UTRN: variants seen among roughly 807,000 people sequenced by gnomAD.
The protein encoded by UTRN is dystrophin-related protein 1.
In UTRN, 283 loss-of-function variants were observed where a neutral mutation model predicts 463.9. The observed-to-expected ratio is 0.61, with a 90% CI of 0.55 to 0.67. The LOEUF (loss-of-function observed/expected upper bound fraction) is 0.67. Among genes scored for constraint, UTRN ranks in the 30% least tolerant of loss-of-function variants. UTRN has a pLI of 0.00. For missense variants in UTRN, 3,922 were observed against 4,084.3 expected, an observed-to-expected ratio of 0.96 and a Z score of 1.08; for synonymous variants, 1,442 against 1,431.5, an observed-to-expected ratio of 1.01 and a Z score of -0.17.
intron 2 of UTRN, among the ~76,000 whole-genome samples, chr6:144,314,274 G>A (rs1225801457): frequency 6.6e-6 from 1 of 152,188 alleles, no homozygotes; most frequent in Non-Finnish European, 1.5e-5. Flanking sequence ...GGTTGTCTGA[G>A]TGCAAGTGAA....
At chr6:144,549,319 T>A (rs1357202443) in intron 47 of UTRN, among the ~76,000 whole-genome samples, 7 of 152,222 alleles carry the variant, frequency 4.6e-5, no homozygotes, top group African/African-American at 1.7e-4. Flanking sequence ...ATTTAGTGTG[T>A]GCTAAGTTCT....
At chr6:144,585,930 G>A (rs936151501) in intron 51 of UTRN, among the ~76,000 whole-genome samples, 1 of 152,068 alleles carries the variant, frequency 6.6e-6, no homozygotes, top group African/African-American at 2.4e-5. Context: ...ATAAAATGTG[G>A]CATAATCTGA....
chr6:144,466,857 C>CCTCCTTTT (rs1267015549), intron 23 of UTRN, among the ~76,000 whole-genome samples: 1 of 152,208 alleles, frequency 6.6e-6, no homozygotes, highest in African/African-American at 2.4e-5. Flanking sequence ...CTTCTATTTT[C>CCTCCTTTT]CAGCGCTCCT....
chr6:144,839,456 ACATTTT>A, intron 72 of UTRN, among the ~76,000 whole-genome samples, 172 bp downstream of exon 72: 1 of 152,358 alleles, frequency 6.6e-6, no homozygotes, highest in South Asian at 2.1e-4. Flanking sequence ...CAAAAAGCAA[ACATTTT>A]CAAATAAGCT....
rs1254081169 is a variant in UTRN at position 144,577,252 on chromosome 6, T to A, written c.7443T>A (p.Asp2481Glu). The change falls in exon 51 of 75, where the codon GAT becomes GAA. Residue 2481 changes from aspartate (D) to glutamate (E), a missense_variant. Coordinates refer to ENST00000367545, the MANE Select transcript of UTRN (RefSeq NM_007124.3). ...CTCATCGGGAGAATGCTCTTCAGGA[T>A]AGTATCTTGGCCAGGGAACTCAAAC... ...DASHRENALQDSILARELKQQ... is the reference protein window; with the variant it reads ...DASHRENALQESILARELKQQ... 16 of 1,613,828 alleles carry A rather than the reference T, an allele frequency of 9.9e-6. No individual in the cohort carries two copies. The highest frequency in any genetic ancestry group is 1.2e-5 in the Non-Finnish European group (14 of 1,179,864).
At chr6:144,494,206 A>C (rs560291987) in intron 33 of UTRN, among the ~76,000 whole-genome samples, 6 of 152,086 alleles carry the variant, frequency 3.9e-5, no homozygotes, top group Non-Finnish European at 8.8e-5. Flanking sequence ...TACAGCTCTT[A>C]AGGTGGCGCA....
chr6:144,837,716 C>A (rs952418050), intron 71 of UTRN, among the ~76,000 whole-genome samples: 2 of 152,154 alleles, frequency 1.3e-5, no homozygotes, highest in Non-Finnish European at 2.9e-5. Flanking sequence ...TTTTAACTTA[C>A]CAGAATAATT....
At chr6:144,480,769 C>G (rs1791774139) in intron 26 of UTRN, among the ~76,000 whole-genome samples, 1 of 152,112 alleles carries the variant, frequency 6.6e-6, no homozygotes, top group Admixed American at 6.6e-5. Context: ...TTAAGCAACA[C>G]AGTGACTAAT....
intron 51 of UTRN, among the ~76,000 whole-genome samples, chr6:144,595,972 G>A (rs1002471822): frequency 6.6e-6 from 1 of 152,088 alleles, no homozygotes; most frequent in Non-Finnish European, 1.5e-5. Flanking sequence ...CGGTGTGGTG[G>A]TAAAGAAAGG....
chr6:144,592,732 A>G (rs932517019), intron 51 of UTRN, among the ~76,000 whole-genome samples: 4 of 152,180 alleles, frequency 2.6e-5, no homozygotes, highest in African/African-American at 7.2e-5. Context: ...TGTTTACATA[A>G]CCACTACCAG....
At chr6:144,563,039 G>T (rs1325436626) in intron 50 of UTRN, among the ~76,000 whole-genome samples, 3 of 152,114 alleles carry the variant, frequency 2.0e-5, no homozygotes, top group Non-Finnish European at 4.4e-5. Context: ...ATTATTTAAT[G>T]TGGGAGCACA....
intron 61 of UTRN, among the ~76,000 whole-genome samples, chr6:144,784,351 G>A (rs1272479930): frequency 3.3e-5 from 5 of 152,134 alleles, no homozygotes; most frequent in Admixed American, 2.6e-4. Flanking sequence ...AGATGAAGGT[G>A]TCGGCTGGGT....
chr6:144,321,457 A>T (rs1365258434), intron 2 of UTRN, among the ~76,000 whole-genome samples: 1 of 142,098 alleles, frequency 7.0e-6, no homozygotes, highest in Non-Finnish European at 1.5e-5. Context: ...TAGCTGTGCC[A>T]TATCTTTTTT....
chr6:144,684,724 C>T (rs373053237), intron 52 of UTRN, among the ~76,000 whole-genome samples: 12 of 152,300 alleles, frequency 7.9e-5, no homozygotes, highest in African/African-American at 2.9e-4. Context: ...AGTAAGATGG[C>T]TCTCCTTCAC....
intron 34 of UTRN, among the ~76,000 whole-genome samples, chr6:144,502,821 G>A (rs1794319429): frequency 6.6e-6 from 1 of 152,064 alleles, no homozygotes; most frequent in South Asian, 2.1e-4. Flanking sequence ...AGATCCTTGA[G>A]GAATCACCTC....
intron 61 of UTRN, among the ~76,000 whole-genome samples, chr6:144,788,586 A>G (rs1340269795): frequency 7.1e-6 from 1 of 141,598 alleles, no homozygotes; most frequent in Non-Finnish European, 1.5e-5. Flanking sequence ...TTTTTTTGAG[A>G]TGGAGTCTCG....
At chr6:144,471,487 G>T (rs73780587) in intron 23 of UTRN, among the ~76,000 whole-genome samples, 3,243 of 152,314 alleles carry the variant, frequency 0.021, 136 homozygotes, top group African/African-American at 0.074. Context: ...AGAATCTGTG[G>T]TGACAAGTTA....
At chr6:144,507,489 TTTTG>T (rs1422300550) in intron 34 of UTRN, among the ~76,000 whole-genome samples, 2 of 152,178 alleles carry the variant, frequency 1.3e-5, no homozygotes, top group Admixed American at 1.3e-4. Flanking sequence ...TGTTGTTGCT[TTTTG>T]TTTGTTAGTT....
chr6:144,376,559 G>A (rs1403075444), intron 2 of UTRN, among the ~76,000 whole-genome samples: 1 of 152,030 alleles, frequency 6.6e-6, no homozygotes, highest in Admixed American at 6.6e-5. Flanking sequence ...GCCTCCCAAA[G>A]TGCTGGGATT....
Sources: allele counts gnomAD v4.1 joint callset (sites outside exome capture counted in the v4.1 genomes callset), GRCh38; gene constraint gnomAD v4.1.1; transcripts MANE v1.5; gene names NCBI Gene and HGNC (gene_info 2026-07-23, HGNC 2026-07-21).